PPA2: variants seen among roughly 807,000 people sequenced by gnomAD.
PPA2 encodes the protein inorganic pyrophosphatase 2, also known as inorganic pyrophosphatase 2, mitochondrial.
PPA2 carries 48 observed loss-of-function variants against 49.5 expected under a neutral mutation model. The ratio of observed to expected loss-of-function variants is 0.97; its 90% CI spans 0.77 to 1.23. The LOEUF (loss-of-function observed/expected upper bound fraction) is 1.23, where lower values mean the gene tolerates loss of function less well. Among genes scored for constraint, PPA2 ranks in the 50% most tolerant of loss-of-function variants. PPA2 has a pLI of 0.00. For synonymous variants in PPA2, 131 were observed against 139.9 expected (o/e 0.94, Z 0.45); for missense variants, 429 against 410.1 (o/e 1.05, Z -0.40).
chr4:105,434,851 G>C (rs902170966), intron 6 of PPA2, among the ~76,000 whole-genome samples: 1 of 152,128 alleles, frequency 6.6e-6, no homozygotes, highest in Non-Finnish European at 1.5e-5. Context: ...GTGTTTTGCT[G>C]TAACACCGTT....
chr4:105,395,764 T>C (rs867547445), intron 9 of PPA2, among the ~76,000 whole-genome samples: 26 of 152,264 alleles, frequency 1.7e-4, no homozygotes, highest in Middle Eastern at 6.8e-3. Context: ...GTATATAAAA[T>C]CTATATGGAA....
intron 10 of PPA2, 28 bp from the exon 11 acceptor site, chr4:105,370,901 CTG>C: frequency 6.9e-7 from 1 of 1,448,246 alleles, no homozygotes. Flanking sequence ...GAAAGAATCT[CTG>C]TTACAATAAA....
chr4:105,451,755 A>G (rs1437860956), intron 3 of PPA2, among the ~76,000 whole-genome samples: 3 of 152,308 alleles, frequency 2.0e-5, no homozygotes, highest in African/African-American at 7.2e-5. Context: ...ATGAACAATA[A>G]ATGAGGTTTG....
intron 4 of PPA2, among the ~76,000 whole-genome samples, chr4:105,448,417 TAGA>T (rs1287611364): frequency 6.6e-6 from 1 of 152,104 alleles, no homozygotes; most frequent in African/African-American, 2.4e-5. Context: ...CCCAAAGTTA[TAGA>T]AGGTTTATAT....
At chr4:105,473,439 G>A (rs375907149) in intron 1 of PPA2, 9 of 377,784 alleles carry the variant, frequency 2.4e-5, no homozygotes, top group African/African-American at 1.1e-4. Flanking sequence ...CCTCTCCGAC[G>A]TCAGGGAGCT....
chr4:105,454,297 T>G (rs1354200239), intron 2 of PPA2, among the ~76,000 whole-genome samples: 1 of 105,338 alleles, frequency 9.5e-6, no homozygotes, highest in East Asian at 2.1e-4. Flanking sequence ...TTGTTTTTGC[T>G]GCTGCTGTTG....
chr4:105,463,545 G>A (rs1043513258), intron 1 of PPA2, among the ~76,000 whole-genome samples: 7 of 152,140 alleles, frequency 4.6e-5, no homozygotes, highest in Admixed American at 2.0e-4. Context: ...CCAAATGTTC[G>A]TCCCCAAGAC....
chr4:105,466,615 T>G (rs1290433658), intron 1 of PPA2, among the ~76,000 whole-genome samples: 5 of 152,154 alleles, frequency 3.3e-5, no homozygotes, highest in Non-Finnish European at 7.3e-5. Context: ...AATCAGTTTA[T>G]TATAATAAAA....
intron 9 of PPA2, among the ~76,000 whole-genome samples, chr4:105,387,952 C>A (rs1356298392): frequency 6.6e-6 from 1 of 151,182 alleles, no homozygotes; most frequent in Admixed American, 6.6e-5. Flanking sequence ...GAAGAAACTA[C>A]GATATACAAA....
At chr4:105,386,907 ATATATAAAAAGC>A in intron 9 of PPA2, among the ~76,000 whole-genome samples, 1 of 152,212 alleles carries the variant, frequency 6.6e-6, no homozygotes, top group Non-Finnish European at 1.5e-5. Flanking sequence ...ATTTCCAGGT[ATATATAAAAAGC>A]TACACCACAA....
intron 7 of PPA2, among the ~76,000 whole-genome samples, chr4:105,409,368 G>C (rs1553925803): frequency 2.0e-5 from 3 of 152,228 alleles, no homozygotes; most frequent in Non-Finnish European, 2.9e-5. Flanking sequence ...CCATTGCTGA[G>C]GCTTGAGTAG....
At chr4:105,423,067 A>G (rs998770040) in intron 7 of PPA2, 2 of 152,228 alleles carry the variant, frequency 1.3e-5, no homozygotes, top group East Asian at 1.9e-4. Context: ...ATATATGTAT[A>G]TGAAAAGTAT....
intron 3 of PPA2, 108 bp from the exon 4 acceptor site, chr4:105,449,511 A>G (rs1722576321): frequency 7.9e-6 from 5 of 629,870 alleles, no homozygotes; most frequent in Admixed American, 3.3e-5. Flanking sequence ...GACAAAAAAA[A>G]TGTTGAGTCT....
intron 5 of PPA2, among the ~76,000 whole-genome samples, chr4:105,439,957 A>G (rs1724270008): frequency 6.7e-6 from 1 of 150,174 alleles, no homozygotes; most frequent in African/African-American, 2.4e-5. Flanking sequence ...TCCTTGAGAT[A>G]GTTTGCTGAG....
chr4:105,411,065 T>C (rs919867405), intron 7 of PPA2, among the ~76,000 whole-genome samples: 4 of 152,088 alleles, frequency 2.6e-5, no homozygotes, highest in Non-Finnish European at 5.9e-5. Context: ...CACATAACAA[T>C]ATTAACCTTA....
intron 6 of PPA2, among the ~76,000 whole-genome samples, chr4:105,425,469 A>T (rs984457298): frequency 2.0e-5 from 3 of 152,212 alleles, no homozygotes; most frequent in Admixed American, 2.0e-4. Flanking sequence ...AGACATTGCC[A>T]AAGAGAAAAT....
intron 10 of PPA2, among the ~76,000 whole-genome samples, chr4:105,385,374 C>A (rs573701453): frequency 6.6e-6 from 1 of 151,410 alleles, no homozygotes; most frequent in African/African-American, 2.4e-5. Flanking sequence ...CTATATCTTA[C>A]CACATAACAT....
At chr4:105,430,390 A>G (rs1723740238) in intron 6 of PPA2, among the ~76,000 whole-genome samples, 1 of 152,238 alleles carries the variant, frequency 6.6e-6, no homozygotes, top group African/African-American at 2.4e-5. Flanking sequence ...AGACACTCAC[A>G]TGTTTAGCCT....
Position 105,456,682 on chromosome 4 carries a change from T to C in PPA2, c.221A>G (p.Glu74Gly). 2 of 1,599,004 alleles carry C rather than the reference T, an allele frequency of 1.3e-6. No homozygotes were observed. Among genetic ancestry groups the C allele is most frequent in the Non-Finnish European group, 1.7e-6 (2 of 1,169,268 alleles). ...TCCCAAAACAAGTCAAAACAATACC[T>C]CTTTAGAGTTCACCTTCAGAGGAAT... ...HDIPLKVNSK[E>G]ENGIPMKKAR... The change falls in exon 2 of 12, where the codon GAG (glutamate) becomes GGG (glycine). Residue 74 changes from glutamate (E) to glycine (G), a missense_variant and splice_region_variant. By Grantham distance (98) the Glu-to-Gly change is moderately conservative. Coordinates refer to ENST00000341695, the MANE Select transcript of PPA2 (RefSeq NM_176869.3).
Sources: gnomAD v4.1 joint callset for allele counts (sites outside exome capture counted in the v4.1 genomes callset) on GRCh38, gnomAD v4.1.1 for gene constraint, MANE v1.5 for transcripts, NCBI Gene and HGNC (gene_info 2026-07-23, HGNC 2026-07-21) for gene names.